RNF19A: variants seen among roughly 807,000 people sequenced by gnomAD.
RNF19A encodes the protein ring finger protein 19A, RBR E3 ubiquitin protein ligase.
Under a neutral mutation model 75.7 loss-of-function variants are expected in RNF19A, and 32 were observed. The ratio of observed to expected loss-of-function variants is 0.42; its 90% CI spans 0.32 to 0.57. RNF19A has a LOEUF of 0.57. RNF19A is among the 20% of genes least tolerant of loss of function. The probability of loss-of-function intolerance (pLI) is 0.10; values close to 1 mark genes in which losing one functional copy is unlikely to be tolerated. For missense variants in RNF19A, 782 were observed against 1,036.3 expected (o/e 0.75, Z 3.37); for synonymous variants, 335 against 345.2 (o/e 0.97, Z 0.33).
rs574852346 is a variant in RNF19A at position 100,270,573 on chromosome 8, G to A, written c.884-560C>T. ...TAGCAAAACAGGTATCTTTAGAAAA[G>A]CAGCCTTTTCCCAGTATTTTACTTC... On this transcript the variant is annotated intron_variant, in intron 3 of 9. Transcript: ENST00000341084. Among the ~76,000 whole-genome samples, 32 of 152,156 alleles carry A rather than the reference G, an allele frequency of 2.1e-4. No individual in the cohort carries two copies. In the East Asian group the frequency reaches 6.0e-3, roughly 28 times the overall value.
intron 3 of RNF19A, among the ~76,000 whole-genome samples, chr8:100,272,487 T>C (rs1451526140): frequency 6.6e-6 from 1 of 151,910 alleles, no homozygotes; most frequent in East Asian, 1.9e-4. Context: ...ATTTAGATGG[T>C]AGCTTCCTTT....
intron 1 of RNF19A, among the ~76,000 whole-genome samples, chr8:100,296,375 GA>G (rs538395347): frequency 1.0e-3 from 159 of 152,320 alleles, no homozygotes; most frequent in Non-Finnish European, 1.7e-3. Flanking sequence ...CAAGTGCTGG[GA>G]TTACAGGCGT....
Position 100,259,094 on chromosome 8 carries a change from G to A in RNF19A, c.1979C>T (p.Ala660Val). 6.2e-7 allele frequency: 1 copy of A among 1,613,958 alleles called. No individual in the cohort carries two copies. Among genetic ancestry groups the A allele is most frequent in the Non-Finnish European group, 8.5e-7 (1 of 1,179,982 alleles). ...TGTTGCTTCTTTGGACCACTTGGTG[G>A]CACTAGATTTACCTTCAGGCAAGCC... ...SSGLPEGKSSATKWSKEATAG... is the reference protein window; with the variant it reads ...SSGLPEGKSSVTKWSKEATAG... Residue 660 changes from alanine to valine, a missense_variant, in exon 10 of 10, where the codon GCC (alanine) becomes GTC (valine). Coordinates refer to ENST00000341084, the MANE Select transcript of RNF19A (RefSeq NM_183419.4). The surrounding 1 kb of genome is among the most constrained non-coding windows in gnomAD (Gnocchi z 4.5).
At position 100,317,440 on chromosome 8, in the gene RNF19A, A is replaced by G. The variant is rs572848637; in HGVS notation, c.-242-4068T>C. ...TGGGCCCTTCAGAGAGTGCCAGGGG[A>G]AAGGAAATTGTTTCTTCCTCTTCAT... On this transcript the variant is annotated intron_variant, in intron 1 of 3. Transcript: ENST00000519527. The surrounding 1 kb of genome is among the most constrained non-coding windows in gnomAD (Gnocchi z 4.3). Among the ~76,000 whole-genome samples, 8 of 152,330 alleles carry G rather than the reference A, an allele frequency of 5.3e-5. No homozygotes were observed. Among genetic ancestry groups the G allele is most frequent in the African/African-American group, 1.7e-4 (7 of 41,562 alleles).
upstream of RNF19A, among the ~76,000 whole-genome samples, chr8:100,312,960 A>G (rs1193046455): frequency 6.6e-6 from 1 of 152,034 alleles, no homozygotes; most frequent in Non-Finnish European, 1.5e-5. Flanking sequence ...AAATAAATAC[A>G]TAACCTCTTT....
chr8:100,330,177 C>T lies in RNF19A; in HGVS notation c.-243+5931G>A, dbSNP rs1822592281. The stretch of plus-strand genomic sequence containing the variant: ...CCAGAGTTTGCTCCCACAATCTCCC[C>T]AACCTTCTCTAGCATCTTAACTTTT... On this transcript the variant is annotated intron_variant, in intron 1 of 3. Transcript: ENST00000519527. The surrounding 1 kb of genome is among the most constrained non-coding windows in gnomAD (Gnocchi z 4.1). Among the ~76,000 whole-genome samples the T allele has an allele frequency of 6.6e-6, 1 of 152,168 alleles. No individual in the cohort carries two copies. The highest frequency in any genetic ancestry group is 6.5e-5 in the Admixed American group (1 of 15,282).
chr8:100,263,376 G>A (rs1012251416), intron 7 of RNF19A, among the ~76,000 whole-genome samples: 1 of 152,186 alleles, frequency 6.6e-6, no homozygotes. Flanking sequence ...ATTAGGTTAC[G>A]TGGAGGCCAC....
chr8:100,309,085 G>A (rs930062998), intron 1 of RNF19A, among the ~76,000 whole-genome samples: 10 of 152,112 alleles, frequency 6.6e-5, no homozygotes, highest in Admixed American at 6.5e-4. Flanking sequence ...GAAAAAAAGA[G>A]CAACTGCAGA....
At chr8:100,298,022 T>C (rs190686448) in intron 1 of RNF19A, among the ~76,000 whole-genome samples, 239 of 152,276 alleles carry the variant, frequency 1.6e-3, no homozygotes, top group Non-Finnish European at 2.5e-3. Flanking sequence ...CTCAGTTTCT[T>C]CAATTATAAA....
At chr8:100,314,181 G>A (rs1361603594), upstream of RNF19A, among the ~76,000 whole-genome samples, 2 of 151,928 alleles carry the variant, frequency 1.3e-5, no homozygotes, top group East Asian at 3.9e-4. The surrounding 1 kb of genome is among the most constrained non-coding windows in gnomAD (Gnocchi z 4.1). Flanking sequence ...GTGCCCAGCC[G>A]AGAACTACTC....
In RNF19A at chr8:100,258,736, C is replaced by G. The variant is rs771935162; in HGVS notation, c.2337G>C (p.Val779=). The G allele has an allele frequency of 6.2e-7, 1 of 1,614,134 alleles. No homozygotes were observed. Among genetic ancestry groups the G allele is most frequent in the South Asian group, 1.1e-5 (1 of 91,084 alleles). The change falls in exon 10 of 10, where the codon GTG becomes GTC. Residue 779 remains valine, a synonymous_variant. Coordinates refer to ENST00000341084, the MANE Select transcript of RNF19A (RefSeq NM_183419.4). The surrounding 1 kb of genome is among the most constrained non-coding windows in gnomAD (Gnocchi z 4.3). ...ENSPHQCSIS[V]VTQTASCSEV... is the part of the protein sequence containing the mutation. ...CTGAACAGGAAGCAGTTTGGGTAACCACAGAAATGCTACACTGATGTGGGG... is the reference window on the plus strand; with the variant it reads ...CTGAACAGGAAGCAGTTTGGGTAACGACAGAAATGCTACACTGATGTGGGG...
intron 2 of RNF19A, among the ~76,000 whole-genome samples, chr8:100,280,753 C>T (rs911245071): frequency 5.9e-5 from 9 of 152,118 alleles, no homozygotes; most frequent in African/African-American, 1.7e-4. Flanking sequence ...CAGTATTAGG[C>T]ACGTTCTGTA....
chr8:100,299,618 G>A (rs1821728433), intron 1 of RNF19A, among the ~76,000 whole-genome samples: 1 of 152,202 alleles, frequency 6.6e-6, no homozygotes, highest in African/African-American at 2.4e-5. Context: ...AATTAGCTGG[G>A]TGTGGTGGCA....
Position 100,264,250 on chromosome 8 carries a change from A to G in RNF19A, c.1307-55T>C, listed in dbSNP as rs897606501. 2.8e-6 allele frequency: 4 copies of G among 1,444,318 alleles called. No homozygotes were observed. In the African/African-American group the frequency reaches 5.7e-5, roughly 21 times the overall value. 89.5% of individuals were successfully genotyped at this position (1,444,318 alleles called of 1,614,324 possible). On this transcript the variant is annotated intron_variant, in intron 6 of 9. Transcript: ENST00000341084. The surrounding 1 kb of genome is among the most constrained non-coding windows in gnomAD (Gnocchi z 4.7). ...ACAACAACAACAAAATAACTCACAG[A>G]AACATGAGTTTTAGAAAGTCTTTTC...
Position 100,257,777 on chromosome 8 carries a change from A to C in RNF19A, c.*779T>G, listed in dbSNP as rs11995133. ...AGGCACCAAGAATCAATGGGGTACA[A>C]ACTTCCCCTTAGAGAAAGGTGGATT... On this transcript the variant is annotated 3_prime_UTR_variant, in exon 10 of 10. Coordinates refer to ENST00000341084, the MANE Select transcript of RNF19A (RefSeq NM_183419.4). 3.6e-3 allele frequency: 1,321 copies of C among 369,990 alleles called. 9 individuals carry two copies. Among genetic ancestry groups the C allele is most frequent in the African/African-American group, 0.024 (1,168 of 48,132 alleles). 22.9% of individuals were successfully genotyped at this position (369,990 alleles called of 1,614,324 possible). A position where few individuals can be genotyped will look rare whatever the true frequency, so the allele number is the denominator to read the frequency against.
At position 100,275,259 on chromosome 8, in the gene RNF19A, T is replaced by C; in HGVS notation, c.675-98A>G. The C allele has an allele frequency of 9.8e-7, 1 of 1,022,966 alleles. No homozygotes were observed. Among genetic ancestry groups the C allele is most frequent in the South Asian group, 1.5e-5 (1 of 66,060 alleles). 63.4% of individuals were successfully genotyped at this position (1,022,966 alleles called of 1,614,324 possible). A position where few individuals can be genotyped will look rare whatever the true frequency, so the allele number is the denominator to read the frequency against. ...TAAAGATTATTCCTGAAAAACATTT[T>C]CTATTTATACATTAGCAAACAGTCA... On this transcript the variant is annotated intron_variant, in intron 2 of 9. Transcript: ENST00000341084. The surrounding 1 kb of genome is among the most constrained non-coding windows in gnomAD (Gnocchi z 4.3).
chr8:100,299,520 G>C (rs1487268351), intron 1 of RNF19A, among the ~76,000 whole-genome samples: 1 of 152,216 alleles, frequency 6.6e-6, no homozygotes, highest in Non-Finnish European at 1.5e-5. Context: ...GGCGCTTTGG[G>C]AGACCAAGGT....
intron 1 of RNF19A, among the ~76,000 whole-genome samples, chr8:100,288,848 C>T (rs1720326134): frequency 6.6e-6 from 1 of 151,942 alleles, no homozygotes; most frequent in Admixed American, 6.6e-5. Flanking sequence ...ATCACAAGTT[C>T]AGGAGATTGA....
rs1822394228 is a variant in RNF19A at position 100,317,127 on chromosome 8, G to GCCGCAGGCAGCCCAGCCCGGGTTC, written c.-242-3756_-242-3755insGAACCCGGGCTGGGCTGCCTGCGG. Among the ~76,000 whole-genome samples the GCCGCAGGCAGCCCAGCCCGGGTTC allele has an allele frequency of 6.6e-6, 1 of 151,264 alleles. No individual in the cohort carries two copies. The highest frequency in any genetic ancestry group is 2.4e-5 in the African/African-American group (1 of 41,252). On this transcript the variant is annotated intron_variant, in intron 1 of 3. Coordinates refer to the RNF19A transcript ENST00000519527. The surrounding 1 kb of genome is among the most constrained non-coding windows in gnomAD (Gnocchi z 4.3). ...CCGGAACTCCAGCTGGCCCGCAAGC[G>GCCGCAGGCAGCCCAGCCCGGGTTC]CCGCACGCAGCCCAGCCCGGGTTCC... is the stretch of plus-strand genomic sequence containing the variant.
Sources: gnomAD v4.1 joint callset for allele counts (sites outside exome capture counted in the v4.1 genomes callset) on GRCh38, gnomAD v4.1.1 for gene constraint, Gnocchi (gnomAD v3.1) non-coding constraint, MANE v1.5 for transcripts, NCBI Gene and HGNC (gene_info 2026-07-23, HGNC 2026-07-21) for gene names.